ITGA10: variants seen among roughly 807,000 people sequenced by gnomAD.
ITGA10 encodes integrin alpha-10.
In ITGA10, 105 loss-of-function variants were observed where a neutral mutation model predicts 145.2. The observed-to-expected ratio is 0.72, with a 90% CI of 0.62 to 0.85. ITGA10 has a LOEUF of 0.85. ITGA10 is among the 40% of genes least tolerant of loss of function. ITGA10 has a pLI of 0.00. For synonymous variants in ITGA10, 506 were observed against 557.8 expected (o/e 0.91, Z 1.31); for missense variants, 1,317 against 1,444.5 (o/e 0.91, Z 1.43).
Position 145,895,355 on chromosome 1 carries a change from G to C in ITGA10, c.3153C>G (p.His1051Gln), listed in dbSNP as rs782083627. The C allele has an allele frequency of 6.2e-7, 1 of 1,613,886 alleles. No homozygotes were observed. Among genetic ancestry groups the C allele is most frequent in the Non-Finnish European group, 8.5e-7 (1 of 1,179,892 alleles). The change falls in exon 27 of 30, where the codon CAC (histidine) becomes CAG (glutamine). Residue 1051 changes from histidine (H) to glutamine (Q), a missense_variant. Transcript: ENST00000369304. ...CAGTCCCCTTTGCCAGCTGCCCAAGGTGGCACCTCACCACCTGACACTGAG... is the reference window on the plus strand; with the variant it reads ...CAGTCCCCTTTGCCAGCTGCCCAAGCTGGCACCTCACCACCTGACACTGAG... ...SNTQCQVVRC[H>Q]LGQLAKGTEV...
At position 145,908,613 on chromosome 1, in the gene ITGA10, T is replaced by C. The variant is rs371226384; in HGVS notation, c.53-1148A>G. On this transcript the variant is annotated intron_variant, in intron 1 of 29. Coordinates refer to ENST00000369304, the MANE Select transcript of ITGA10 (RefSeq NM_003637.5). ...TTACAGGGCACTGCCAAGGAAAAAT[T>C]CCAGGCCTCTTGTCCTTCCCATGGT... 7.2e-5 allele frequency among the ~76,000 whole-genome samples: 11 copies of C among 152,172 alleles called. No homozygotes were observed. The East Asian group carries it at 1.3e-3, about 19-fold the overall frequency.
At chr1:145,895,915 G>C in intron 25 of ITGA10, 68 bp downstream of exon 25, 1 of 1,233,358 alleles carries the variant, frequency 8.1e-7, no homozygotes, top group Non-Finnish European at 1.2e-6. Flanking sequence ...AGCTGGTGTG[G>C]TGTCCAGCTT....
At chr1:145,904,590 G>T in intron 6 of ITGA10, 94 bp downstream of exon 6, 1 of 1,366,218 alleles carries the variant, frequency 7.3e-7, no homozygotes, top group South Asian at 1.2e-5. Context: ...GCCCAGGCTA[G>T]TCTTGAACTC....
At position 145,893,582 on chromosome 1, in the gene ITGA10, C is replaced by G; in HGVS notation, c.3282G>C (p.Glu1094Asp). 6.2e-7 allele frequency: 1 copy of G among 1,613,364 alleles called. No homozygotes were observed. Among genetic ancestry groups the G allele is most frequent in the Non-Finnish European group, 8.5e-7 (1 of 1,179,732 alleles). The change falls in exon 28 of 30, where the codon GAG becomes GAC. Residue 1094 changes from glutamate to aspartate, a missense_variant. Physicochemically the swap from Glu to Asp is conservative, Grantham distance 45. Coordinates refer to ENST00000369304, the MANE Select transcript of ITGA10 (RefSeq NM_003637.5). ...VVSTFELGTE[E>D]GSVLQLTEAS... ...CTTCAGTCAGCTGTAGGACACTGCCCTCTTCGGTTCCCAGCTCAAAGGTGC... is the reference window on the plus strand; with the variant it reads ...CTTCAGTCAGCTGTAGGACACTGCCGTCTTCGGTTCCCAGCTCAAAGGTGC...
Position 145,904,163 on chromosome 1 carries a change from T to C in ITGA10, c.647A>G (p.Glu216Gly). 1 of 1,614,140 alleles carries C rather than the reference T, an allele frequency of 6.2e-7. No individual in the cohort carries two copies. Among genetic ancestry groups the C allele is most frequent in the South Asian group, 1.1e-5 (1 of 91,082 alleles). The change falls in exon 7 of 30, where the codon GAG becomes GGG. Residue 216 changes from glutamate (E) to glycine (G), a missense_variant. Physicochemically the swap from Glu to Gly is moderately conservative, Grantham distance 98. Coordinates refer to ENST00000369304, the MANE Select transcript of ITGA10 (RefSeq NM_003637.5). The part of the protein sequence containing the change: ...LVQYGESPVH[E>G]WSLGDFRTKE... ...CGTTCGGAAATCTCCCAGGGACCACTCATGTACAGGGCTCTCCCCATACTG... is the reference window on the plus strand; with the variant it reads ...CGTTCGGAAATCTCCCAGGGACCACCCATGTACAGGGCTCTCCCCATACTG...
At chr1:145,900,543 G>A (rs190815140) in intron 14 of ITGA10, among the ~76,000 whole-genome samples, 95 of 152,182 alleles carry the variant, frequency 6.2e-4, no homozygotes, top group Admixed American at 4.7e-3. Flanking sequence ...GATTACAGGC[G>A]TGAACCACCA....
chr1:145,893,265 C>T lies in ITGA10; in HGVS notation c.3334G>A (p.Glu1112Lys). 1 of 1,612,162 alleles carries T rather than the reference C, an allele frequency of 6.2e-7. No homozygotes were observed. The highest frequency in any genetic ancestry group is 1.1e-5 in the South Asian group (1 of 91,012). Reference sequence around the variant, plus strand: ...AGGATAGGCCGGGTCTGAACCACCTCCAAGAGGCTCTGCGTGGACAGAAGA... The same window carrying T: ...AGGATAGGCCGGGTCTGAACCACCTTCAAGAGGCTCTGCGTGGACAGAAGA... ...EASRWSESLL[E>K]VVQTRPILIS... The change falls in exon 29 of 30, where the codon GAG becomes AAG. Residue 1112 changes from glutamate to lysine, a missense_variant. Coordinates refer to ENST00000369304, the MANE Select transcript of ITGA10 (RefSeq NM_003637.5).
At chr1:145,907,507 G>T in intron 1 of ITGA10, 42 bp from the exon 2 acceptor site, 1 of 1,611,624 alleles carries the variant, frequency 6.2e-7, no homozygotes. Context: ...GGTAGTGAAT[G>T]GCTAGAGGCA....
At position 145,901,192 on chromosome 1, in the gene ITGA10, C is replaced by A; in HGVS notation, c.1530G>T (p.Met510Ile). ...TTDVLLVAAP[M>I]FLGPQNKETG... ...TTTCCTTGTTCTGGGGTCCCAGGAA[C>A]ATGGGGGCAGCCACAAGTAAGACAT... Residue 510 changes from methionine to isoleucine, a missense_variant, in exon 13 of 30, where the codon ATG becomes ATT. Physicochemically the swap from Met to Ile is conservative, Grantham distance 10. Transcript: ENST00000369304. The surrounding 1 kb of genome is among the most constrained non-coding windows in gnomAD (Gnocchi z 4.3). 6.2e-7 allele frequency: 1 copy of A among 1,614,114 alleles called. No homozygotes were observed. The highest frequency in any genetic ancestry group is 8.5e-7 in the Non-Finnish European group (1 of 1,180,024).
rs587649640 is a variant in ITGA10, at chr1:145,899,475, C to T, written c.1923-134G>A. 7.5e-4 allele frequency: 709 copies of T among 946,280 alleles called. 4 individuals are homozygous for T. Among genetic ancestry groups the T allele is most frequent in the Middle Eastern group, 4.5e-3 (13 of 2,900 alleles). The allele number at this position is 946,280 out of a possible 1,614,324, so 58.6% of individuals were successfully genotyped here. A position where few individuals can be genotyped will look rare whatever the true frequency, so the allele number is the denominator to read the frequency against. On this transcript the variant is annotated intron_variant, in intron 15 of 29. Transcript: ENST00000369304. Reference sequence around the variant, plus strand: ...TGCACATGTCACCCTCCCCCGAACCCTCTGACAGAAGTAAGATAATAGATT... The same window carrying T: ...TGCACATGTCACCCTCCCCCGAACCTTCTGACAGAAGTAAGATAATAGATT...
intron 5 of ITGA10, chr1:145,906,075 G>C (rs1657093741): frequency 6.7e-6 from 2 of 298,904 alleles, no homozygotes; most frequent in African/African-American, 2.2e-5. Context: ...GCATGCACTA[G>C]CGCACCCAGC....
intron 28 of ITGA10, 121 bp downstream of exon 28, chr1:145,893,419 G>A (rs1654958285): frequency 2.1e-6 from 2 of 937,756 alleles, no homozygotes; most frequent in South Asian, 1.4e-5. Flanking sequence ...TGGCGGCAGT[G>A]GAACACTAGG....
In ITGA10 at chr1:145,901,232, C is replaced by T; in HGVS notation, c.1490G>A (p.Arg497Lys). The T allele has an allele frequency of 1.9e-6, 3 of 1,614,076 alleles. No individual in the cohort carries two copies. The highest frequency in any genetic ancestry group is 2.5e-6 in the Non-Finnish European group (3 of 1,180,022). The change falls in exon 13 of 30, where the codon AGG becomes AAG. Residue 497 changes from arginine to lysine, a missense_variant. Arg to Lys is a conservative substitution (Grantham distance 26). Transcript: ENST00000369304. This position sits in a 1 kb window ranked among gnomAD's most constrained non-coding sequence, Gnocchi z 4.3. ...GSELCPLDTD[R>K]DGTTDVLLVA... ...AAGTAAGACATCAGTTGTTCCATCC[C>T]TATCTGTATCCAATGGGCAGAGCTC... is the stretch of plus-strand genomic sequence containing the variant.
At position 145,902,884 on chromosome 1, in the gene ITGA10, G is replaced by A; in HGVS notation, c.836C>T (p.Ser279Phe). The A allele has an allele frequency of 6.2e-7, 1 of 1,613,928 alleles. No homozygotes were observed. Among genetic ancestry groups the A allele is most frequent in the Non-Finnish European group, 8.5e-7 (1 of 1,179,946 alleles). ...RLLVVVTDGE[S>F]HDGEELPAAL... is the part of the protein sequence containing the mutation. Reference sequence around the variant, plus strand: ...TGCAGGAAGCTCCTCTCCATCATGGGACTCTCCATCAGTGACAACCACCAG... The same window carrying A: ...TGCAGGAAGCTCCTCTCCATCATGGAACTCTCCATCAGTGACAACCACCAG... The change falls in exon 8 of 30, where the codon TCC (serine) becomes TTC (phenylalanine). Residue 279 changes from serine to phenylalanine, a missense_variant. Ser to Phe is a radical substitution (Grantham distance 155). Coordinates refer to ENST00000369304, the MANE Select transcript of ITGA10 (RefSeq NM_003637.5).
In ITGA10 at chr1:145,896,910, C is replaced by A. The variant is rs375563780; in HGVS notation, c.2745-52G>T. ...CATCTCAACCCCTCCTCAGAAGACACCCTTCTCTGTTAATAGAGGAATCAA... is the reference window on the plus strand; with the variant it reads ...CATCTCAACCCCTCCTCAGAAGACAACCTTCTCTGTTAATAGAGGAATCAA... On this transcript the variant is annotated intron_variant, in intron 22 of 29. Coordinates refer to ENST00000369304, the MANE Select transcript of ITGA10 (RefSeq NM_003637.5). 3.1e-5 allele frequency: 48 copies of A among 1,545,964 alleles called. 1 individual carries two copies. In the African/African-American group the frequency reaches 6.3e-4, roughly 20 times the overall value.
Position 145,904,041 on chromosome 1 carries a change from C to G in ITGA10, c.758+11G>C. On this transcript the variant is annotated intron_variant, in intron 7 of 29. Transcript: ENST00000369304. Reference sequence around the variant, plus strand: ...CTCTAGCCTCCCACACCTGTCTTCCCAATGCCTCACCAGGCCACCATTATT... The same window carrying G: ...CTCTAGCCTCCCACACCTGTCTTCCGAATGCCTCACCAGGCCACCATTATT... 6.2e-7 allele frequency: 1 copy of G among 1,613,708 alleles called. No individual in the cohort carries two copies. Among genetic ancestry groups the G allele is most frequent in the South Asian group, 1.1e-5 (1 of 91,046 alleles).
chr1:145,902,817 C>A lies in ITGA10; in HGVS notation c.903G>T (p.Gly301=), dbSNP rs1553749472. Reference sequence around the variant, plus strand: ...ATCCAGGGTGAATTCTCACTGCAATCCCATAGCGTGTCACTCTTCCAGCCT... The same window carrying A: ...ATCCAGGGTGAATTCTCACTGCAATACCATAGCGTGTCACTCTTCCAGCCT... The part of the protein sequence containing the change: ...ACEAGRVTRY[G]IAVLGHYLRR... Residue 301 remains glycine (G), a synonymous_variant, in exon 8 of 30, where the codon GGG becomes GGT. Coordinates refer to ENST00000369304, the MANE Select transcript of ITGA10 (RefSeq NM_003637.5). 1.2e-6 allele frequency: 2 copies of A among 1,608,504 alleles called. No homozygotes were observed. Among genetic ancestry groups the A allele is most frequent in the Non-Finnish European group, 8.5e-7 (1 of 1,177,202 alleles).
At position 145,907,075 on chromosome 1, in the gene ITGA10, C is replaced by T. The variant is rs1264451518; in HGVS notation, c.240G>A (p.Gly80=). The T allele has an allele frequency of 6.4e-7, 1 of 1,562,196 alleles. No homozygotes were observed. ...RGDVYRCPVG[G]AHNAPCAKGH... is the part of the protein sequence containing the mutation. ...CCTTGGCACATGGGGCATTGTGGGC[C>T]CCCCCTACAGGGCAGCGATAAACGT... The change falls in exon 3 of 30, where the codon GGG becomes GGA. Residue 80 remains glycine (G), a synonymous_variant. Transcript: ENST00000369304.
intron 16 of ITGA10, 46 bp from the exon 17 acceptor site, chr1:145,899,124 G>T: frequency 6.2e-7 from 1 of 1,614,236 alleles, no homozygotes; most frequent in Non-Finnish European, 8.5e-7. Flanking sequence ...GTCTAGTGAG[G>T]AAGGCATGCA....
Sources: gnomAD v4.1 joint callset for allele counts (sites outside exome capture counted in the v4.1 genomes callset) on GRCh38, gnomAD v4.1.1 for gene constraint, Gnocchi (gnomAD v3.1) non-coding constraint, MANE v1.5 for transcripts, NCBI Gene and HGNC (gene_info 2026-07-23, HGNC 2026-07-21) for gene names.